NPSR1: variants seen among roughly 807,000 people sequenced by gnomAD.
NPSR1 encodes the protein neuropeptide S receptor 1.
Under a neutral mutation model 46.9 loss-of-function variants are expected in NPSR1, and 48 were observed. The ratio of observed to expected loss-of-function variants is 1.02; its 90% CI spans 0.81 to 1.30. The LOEUF is 1.30. Among genes scored for constraint, NPSR1 ranks in the 50% most tolerant of loss-of-function variants. The probability of loss-of-function intolerance (pLI) is 0.00; values close to 1 mark genes in which losing one functional copy is unlikely to be tolerated. For missense variants in NPSR1, 450 were observed against 449.5 expected (o/e 1.00, Z -0.01); for synonymous variants, 176 against 168.1 (o/e 1.05, Z -0.36).
In NPSR1 at chr7:34,827,540, C is replaced by T. The variant is rs762372799; in HGVS notation, c.618C>T (p.Tyr206=). Residue 206 remains tyrosine (Y), a synonymous_variant, in exon 5 of 9, where the codon TAC becomes TAT. Transcript: ENST00000360581. The part of the protein sequence containing the change: ...QCWALWPDDS[Y]WTPYMTIVAF... ...GGGCCCTGTGGCCTGACGACTCCTA[C>T]TGGACCCCATACATGACCATCGTGG... 3 of 1,610,640 alleles carry T rather than the reference C, an allele frequency of 1.9e-6. No homozygotes were observed. The highest frequency in any genetic ancestry group is 1.3e-5 in the African/African-American group (1 of 74,566).
At chr7:34,736,104 T>C (rs1411820651) in intron 2 of NPSR1, among the ~76,000 whole-genome samples, 2 of 152,190 alleles carry the variant, frequency 1.3e-5, no homozygotes. Flanking sequence ...CTCTAGTTTT[T>C]ATATTTTGAG....
intron 4 of NPSR1, 80 bp downstream of exon 4, chr7:34,811,943 T>C: frequency 1.2e-6 from 1 of 857,682 alleles, no homozygotes; most frequent in Non-Finnish European, 1.9e-6. Context: ...AATATTTTAC[T>C]CTTAATAATA....
chr7:34,831,233 C>A lies in NPSR1; in HGVS notation c.681-3151C>A, dbSNP rs546886477. Among the ~76,000 whole-genome samples the A allele has an allele frequency of 3.9e-4, 59 of 151,672 alleles. 1 individual carries two copies. The highest frequency in any genetic ancestry group is 1.4e-3 in the African/African-American group (59 of 41,264). On this transcript the variant is annotated intron_variant, in intron 5 of 8. Transcript: ENST00000360581. ...GAATGAATAACGCAATAAATTGCAC[C>A]GAACAACAGATGTGTCATGTCACTC...
intron 3 of NPSR1, among the ~76,000 whole-genome samples, chr7:34,788,876 A>G (rs1236284987): frequency 1.3e-5 from 2 of 152,114 alleles, no homozygotes; most frequent in African/African-American, 4.8e-5. Context: ...GCACCCAAGG[A>G]ACATTCTCCA....
At chr7:34,756,188 C>A (rs1785832221) in intron 2 of NPSR1, among the ~76,000 whole-genome samples, 1 of 152,152 alleles carries the variant, frequency 6.6e-6, no homozygotes, top group African/African-American at 2.4e-5. Flanking sequence ...CCACCGCCCC[C>A]CTACTTCCTG....
chr7:34,720,976 A>G (rs1295829617), intron 2 of NPSR1, among the ~76,000 whole-genome samples: 1 of 152,192 alleles, frequency 6.6e-6, no homozygotes, highest in East Asian at 1.9e-4. Context: ...AAAGAAAAGG[A>G]TATCTCTGAA....
At chr7:34,835,406 A>T (rs941021853) in intron 6 of NPSR1, among the ~76,000 whole-genome samples, 1 of 152,240 alleles carries the variant, frequency 6.6e-6, no homozygotes, top group South Asian at 2.1e-4. Flanking sequence ...TCTGTTCCAG[A>T]TGTACCACTA....
At position 34,849,655 on chromosome 7, in the gene NPSR1, G is replaced by C; in HGVS notation, c.1116G>C (p.Ter372TyrextTer8). ...TTCTGTCCAAGCCAGAATTCATCTA[G>C]ACCCTAGGGCAGTGCCAGTGCTAGG... ...MQILSKPEFI[*>Y] Residue 372 changes from the stop codon to tyrosine, a stop_lost, in exon 9 of 9, where the codon TAG (stop) becomes TAC (tyrosine). Coordinates refer to ENST00000360581, the MANE Select transcript of NPSR1 (RefSeq NM_207172.2). The C allele has an allele frequency of 6.2e-7, 1 of 1,614,042 alleles. No homozygotes were observed. The highest frequency in any genetic ancestry group is 2.2e-5 in the East Asian group (1 of 44,882).
chr7:34,778,662 G>T, intron 3 of NPSR1, 97 bp downstream of exon 3: 1 of 705,804 alleles, frequency 1.4e-6, no homozygotes, highest in Middle Eastern at 2.4e-4. Context: ...GCATTCCTAT[G>T]CATCAAACTG....
chr7:34,774,810 C>T (rs2128735035), intron 2 of NPSR1, among the ~76,000 whole-genome samples: 1 of 152,250 alleles, frequency 6.6e-6, no homozygotes, highest in South Asian at 2.1e-4. Context: ...TCCAGGCCCA[C>T]TCAAAGCTGT....
chr7:34,774,467 A>C (rs1477561618), intron 2 of NPSR1, among the ~76,000 whole-genome samples: 1 of 152,216 alleles, frequency 6.6e-6, no homozygotes, highest in African/African-American at 2.4e-5. Context: ...TGTATGACTT[A>C]GTGCATTGGC....
chr7:34,785,093 G>A (rs936608752), intron 3 of NPSR1, among the ~76,000 whole-genome samples: 27 of 151,886 alleles, frequency 1.8e-4, no homozygotes, highest in African/African-American at 5.8e-4. Flanking sequence ...TATGTTTATT[G>A]TGGCACTATT....
chr7:34,671,672 CT>C (rs1280357914), intron 1 of NPSR1, among the ~76,000 whole-genome samples: 1 of 152,158 alleles, frequency 6.6e-6, no homozygotes, highest in Non-Finnish European at 1.5e-5. Flanking sequence ...GAAAACAAAG[CT>C]TGCAAGAGTA....
chr7:34,708,178 A>T (rs1483456196), intron 2 of NPSR1, among the ~76,000 whole-genome samples: 2 of 152,182 alleles, frequency 1.3e-5, no homozygotes, highest in Non-Finnish European at 2.9e-5. Context: ...TCAGCCCATA[A>T]CAAATGCCTG....
rs1785755953 is a variant in NPSR1 at position 34,755,068 on chromosome 7, G to A, written c.281-23394G>A. 2.0e-5 allele frequency among the ~76,000 whole-genome samples: 3 copies of A among 152,150 alleles called. No individual in the cohort carries two copies. In the South Asian group the frequency reaches 6.2e-4, roughly 32 times the overall value. On this transcript the variant is annotated intron_variant, in intron 2 of 8. Transcript: ENST00000360581. The stretch of plus-strand genomic sequence containing the variant: ...AGTGGTTTTTACCTTTTGGCTCTTA[G>A]GAATAAAATGCTGCTATAAACATTC...
intron 1 of NPSR1, among the ~76,000 whole-genome samples, chr7:34,674,217 T>C (rs941294472): frequency 1.3e-5 from 2 of 152,170 alleles, no homozygotes; most frequent in African/African-American, 2.4e-5. Flanking sequence ...ACCTCCTGAA[T>C]GACAGATTAC....
At position 34,684,551 on chromosome 7, in the gene NPSR1, G is replaced by C; in HGVS notation, c.148-1G>C. The C allele has an allele frequency of 6.2e-7, 1 of 1,612,998 alleles. No individual in the cohort carries two copies. Among genetic ancestry groups the C allele is most frequent in the African/African-American group, 1.3e-5 (1 of 74,978 alleles). On this transcript the variant is annotated splice_acceptor_variant, in intron 1 of 8. Coordinates refer to ENST00000360581, the MANE Select transcript of NPSR1 (RefSeq NM_207172.2). LOFTEE classifies it high-confidence loss of function. ...GTTTTATTTTTCTCTGTTTCTTGCA[G>C]ACTGAGCAATTGATAACTCTGTGGG...
chr7:34,780,075 T>C (rs1373346855), intron 3 of NPSR1, among the ~76,000 whole-genome samples: 2 of 152,190 alleles, frequency 1.3e-5, no homozygotes, highest in Admixed American at 1.3e-4. Context: ...ACATAGTAGC[T>C]GGCTTTTCCA....
At chr7:34,868,422 C>A (rs986160594) in intron 8 of NPSR1, among the ~76,000 whole-genome samples, 4 of 151,542 alleles carry the variant, frequency 2.6e-5, no homozygotes, top group Admixed American at 6.6e-5. Flanking sequence ...GCATTCCTGA[C>A]CAAGAAAGAT....
Sources: allele counts gnomAD v4.1 joint callset (sites outside exome capture counted in the v4.1 genomes callset), GRCh38; gene constraint gnomAD v4.1.1; transcripts MANE v1.5; gene names NCBI Gene and HGNC (gene_info 2026-07-23, HGNC 2026-07-21).